Variants in CELF5 observed in about 807,000 individuals in gnomAD.
CELF5 encodes the protein CUGBP Elav-like family member 5.
In CELF5, 6 loss-of-function variants were observed where a neutral mutation model predicts 54.9. That is an observed-to-expected ratio of 0.11 (90% CI 0.06 to 0.22). CELF5 has a LOEUF of 0.22. CELF5 is among the 10% of genes least tolerant of loss of function. The pLI, the probability that CELF5 is intolerant of heterozygous loss-of-function variation, is 1.00. For synonymous variants in CELF5, 271 were observed against 290.9 expected, an observed-to-expected ratio of 0.93 and a Z score of 0.70; for missense variants, 401 against 678.6, an observed-to-expected ratio of 0.59 and a Z score of 4.54.
Position 3,282,105 on chromosome 19 carries a change from G to A in CELF5, c.751-21G>A, listed in dbSNP as rs1378058576. On this transcript the variant is annotated intron_variant, in intron 6 of 12. Coordinates refer to ENST00000292672, the MANE Select transcript of CELF5 (RefSeq NM_021938.4). The surrounding 1 kb of genome is among the most constrained non-coding windows in gnomAD (Gnocchi z 5.2). ...TCTCAGGGCAGATATCACCCCAACT[G>A]TGACATGTCTTCACCCCCAGCTCAT... 5.0e-6 allele frequency: 8 copies of A among 1,613,888 alleles called. No individual in the cohort carries two copies. The highest frequency in any genetic ancestry group is 1.7e-5 in the Admixed American group (1 of 60,000).
At chr19:3,251,679 T>C (rs1455990078) in intron 2 of CELF5, among the ~76,000 whole-genome samples, 38 of 140,440 alleles carry the variant, frequency 2.7e-4, no homozygotes, top group Non-Finnish European at 3.7e-4. Flanking sequence ...TTTTTTGTTG[T>C]TGTTGTTGTT....
chr19:3,243,256 A>G (rs2079517431), intron 1 of CELF5, among the ~76,000 whole-genome samples: 1 of 151,470 alleles, frequency 6.6e-6, no homozygotes, highest in Admixed American at 6.6e-5. Flanking sequence ...TAAGCTTATT[A>G]ACATTAAATA....
rs1917040102 is a variant in CELF5 at position 3,228,290 on chromosome 19, A to T, written c.259+3292A>T. Among the ~76,000 whole-genome samples, 1 of 151,926 alleles carries T rather than the reference A, an allele frequency of 6.6e-6. No individual in the cohort carries two copies. On this transcript the variant is annotated intron_variant, in intron 1 of 12. Transcript: ENST00000292672. This position sits in a 1 kb window ranked among gnomAD's most constrained non-coding sequence, Gnocchi z 6.0. ...TCCTGCCAGAACTCCGCATCCAGAG[A>T]GCGGGGACCTCCCCCAGGAAGGACC...
chr19:3,293,303 AC>A lies in CELF5; in HGVS notation c.1331-13del. On this transcript the variant is annotated splice_polypyrimidine_tract_variant and intron_variant, in intron 11 of 12. Transcript: ENST00000292672. ...CCCGCAGCGCCAACCACGGAGGTCC[AC>A]CCTGGTTTCTGCAGGCTTCGTGAGC... is the stretch of plus-strand genomic sequence containing the variant. 1 of 1,613,890 alleles carries A rather than the reference AC, an allele frequency of 6.2e-7. No individual in the cohort carries two copies. Among genetic ancestry groups the A allele is most frequent in the Non-Finnish European group, 8.5e-7 (1 of 1,179,870 alleles).
chr19:3,230,529 G>A (rs574458433), intron 1 of CELF5, among the ~76,000 whole-genome samples: 3 of 152,218 alleles, frequency 2.0e-5, no homozygotes, highest in Non-Finnish European at 1.5e-5. Flanking sequence ...TAGGTGAGGC[G>A]TGGGAGATGA....
intron 1 of CELF5, among the ~76,000 whole-genome samples, chr19:3,234,795 C>T (rs574116806): frequency 6.6e-6 from 1 of 152,166 alleles, no homozygotes; most frequent in African/African-American, 2.4e-5. Context: ...CAGAATCTGC[C>T]CACTTCTCTC....
chr19:3,270,922 A>G (rs2079951982), intron 2 of CELF5, among the ~76,000 whole-genome samples: 2 of 151,906 alleles, frequency 1.3e-5, no homozygotes, highest in African/African-American at 4.8e-5. Context: ...CCCCAACCCC[A>G]GAACAAGGTG....
chr19:3,240,166 G>A (rs2079471822), intron 1 of CELF5, among the ~76,000 whole-genome samples: 1 of 151,630 alleles, frequency 6.6e-6, no homozygotes, highest in South Asian at 2.1e-4. Flanking sequence ...ATAGGTGCAC[G>A]CCACCACACC....
At chr19:3,285,465 A>G (rs2080225718) in intron 9 of CELF5, among the ~76,000 whole-genome samples, 1 of 119,952 alleles carries the variant, frequency 8.3e-6, no homozygotes, top group Non-Finnish European at 1.7e-5. Context: ...CCCTTAACTC[A>G]TGGTCCTGCC....
intron 2 of CELF5, among the ~76,000 whole-genome samples, chr19:3,259,732 G>A (rs1219171684): frequency 6.6e-6 from 1 of 151,936 alleles, no homozygotes; most frequent in Non-Finnish European, 1.5e-5. Flanking sequence ...CCAGCCCCCA[G>A]GAGACACTGA....
intron 1 of CELF5, among the ~76,000 whole-genome samples, chr19:3,245,326 CTG>C (rs557704270): frequency 1.5e-3 from 208 of 134,580 alleles, no homozygotes; most frequent in Non-Finnish European, 2.7e-3. Context: ...GTGTATGCAT[CTG>C]TGTGTGTGCG....
chr19:3,277,996 A>C, intron 4 of CELF5, 35 bp from the exon 5 acceptor site: 1 of 1,583,638 alleles, frequency 6.3e-7, no homozygotes, highest in African/African-American at 1.3e-5. Flanking sequence ...CTGTGACCCC[A>C]TCACCCTCTA....
intron 2 of CELF5, among the ~76,000 whole-genome samples, chr19:3,264,445 T>C (rs1415424560): frequency 6.6e-6 from 1 of 151,846 alleles, no homozygotes; most frequent in Non-Finnish European, 1.5e-5. Context: ...AGACGGAGTC[T>C]TGCTGTGTCA....
At chr19:3,286,095 G>C in intron 10 of CELF5, 70 bp downstream of exon 10, 3 of 1,340,514 alleles carry the variant, frequency 2.2e-6, no homozygotes, top group Non-Finnish European at 2.9e-6. Flanking sequence ...TGCAGGCTCC[G>C]TGTCTGGCCC....
At chr19:3,246,368 T>TCG (rs2145043024) in intron 1 of CELF5, among the ~76,000 whole-genome samples, 1 of 148,778 alleles carries the variant, frequency 6.7e-6, no homozygotes, top group East Asian at 2.1e-4. Context: ...AGTCTCTCTC[T>TCG]CTCTCTCTCT....
At chr19:3,296,434 G>GAAAAAAAAAAAAAAAAAAAAAAAAAAAA (rs5826810) in intron 12 of CELF5, 39 of 54,870 alleles carry the variant, frequency 7.1e-4, no homozygotes, top group African/African-American at 1.1e-3. Flanking sequence ...AAACCACACA[G>GAAAAAAAAAAAAAAAAAAAAAAAAAAAA]AAAAAAAAAA....
At chr19:3,271,500 G>A (rs1159781643) in intron 2 of CELF5, among the ~76,000 whole-genome samples, 1 of 152,200 alleles carries the variant, frequency 6.6e-6, no homozygotes, top group East Asian at 1.9e-4. Flanking sequence ...AGGTTGGGCT[G>A]GGAGGATTGG....
chr19:3,276,602 G>C (rs1368895202), intron 4 of CELF5, among the ~76,000 whole-genome samples: 1 of 148,326 alleles, frequency 6.7e-6, no homozygotes, highest in African/African-American at 2.4e-5. Flanking sequence ...GGGTTGGGTG[G>C]AGCAGAGACT....
At chr19:3,267,089 ATGTG>A (rs72295446) in intron 2 of CELF5, among the ~76,000 whole-genome samples, 22 of 147,172 alleles carry the variant, frequency 1.5e-4, no homozygotes, top group Admixed American at 4.7e-4. Context: ...GCGTGTGTGC[ATGTG>A]TGTGTGTGTG....
Sources: gnomAD v4.1 joint callset for allele counts (sites outside exome capture counted in the v4.1 genomes callset) on GRCh38, gnomAD v4.1.1 for gene constraint, Gnocchi (gnomAD v3.1) non-coding constraint, MANE v1.5 for transcripts, NCBI Gene and HGNC (gene_info 2026-07-23, HGNC 2026-07-21) for gene names.